FGF14: variants seen among roughly 807,000 people sequenced by gnomAD.
FGF14 encodes the protein fibroblast growth factor 14.
FGF14 carries 5 observed loss-of-function variants against 25.5 expected under a neutral mutation model. That is an observed-to-expected ratio of 0.20 (90% CI 0.10 to 0.41). The LOEUF (loss-of-function observed/expected upper bound fraction) is 0.41, where lower values mean the gene tolerates loss of function less well. FGF14 is among the 10% of genes least tolerant of loss of function. FGF14 has a pLI of 1.00. For missense variants in FGF14, 222 were observed against 320.1 expected (o/e 0.69, Z 2.34); for synonymous variants, 138 against 118.3 (o/e 1.17, Z -1.08).
At chr13:102,349,657 T>G (rs1037991063) in intron 1 of FGF14, among the ~76,000 whole-genome samples, 1 of 152,170 alleles carries the variant, frequency 6.6e-6, no homozygotes, top group African/African-American at 2.4e-5. Context: ...CAATAGAAAC[T>G]TAAAAGTCAG....
intron 1 of FGF14, among the ~76,000 whole-genome samples, chr13:102,222,156 G>A (rs1212358109): frequency 2.6e-5 from 4 of 152,108 alleles, no homozygotes; most frequent in African/African-American, 9.7e-5. Context: ...CTATAGCATC[G>A]TAAGTATGTA....
intron 1 of FGF14, among the ~76,000 whole-genome samples, chr13:102,310,594 G>C (rs1268845009): frequency 2.0e-5 from 3 of 150,548 alleles, no homozygotes; most frequent in African/African-American, 4.9e-5. Flanking sequence ...TCTGGGCCAG[G>C]AGATAGAGGG....
At chr13:102,162,879 T>C (rs2047838306) in intron 1 of FGF14, among the ~76,000 whole-genome samples, 1 of 152,152 alleles carries the variant, frequency 6.6e-6, no homozygotes, top group African/African-American at 2.4e-5. Context: ...TAGCTCTTTC[T>C]CTGGTCACTG....
In FGF14 at chr13:101,968,209, C is replaced by A. The variant is rs113051097; in HGVS notation, c.209-92913G>T. Among the ~76,000 whole-genome samples the A allele has an allele frequency of 3.4e-3, 516 of 152,184 alleles. 4 individuals are homozygous for A. The highest frequency in any genetic ancestry group is 0.014 in the Middle Eastern group (4 of 294). ...AAATGAAGATAAATTCATATAAATGCATAAAGGTGAAATTGTTATGTAATG... is the reference window on the plus strand; with the variant it reads ...AAATGAAGATAAATTCATATAAATGAATAAAGGTGAAATTGTTATGTAATG... On this transcript the variant is annotated intron_variant, in intron 1 of 4. Transcript: ENST00000376131.
At chr13:101,747,228 G>T (rs1193034559) in intron 3 of FGF14, among the ~76,000 whole-genome samples, 1 of 151,940 alleles carries the variant, frequency 6.6e-6, no homozygotes, top group Non-Finnish European at 1.5e-5. Context: ...GTACATGATA[G>T]ATGCTGGGGA....
chr13:102,064,033 A>C (rs985105798), intron 1 of FGF14, among the ~76,000 whole-genome samples: 1 of 152,230 alleles, frequency 6.6e-6, no homozygotes, highest in Non-Finnish European at 1.5e-5. Context: ...AATGAATGAC[A>C]ATAAATAAAA....
chr13:101,736,099 T>C (rs2036169358), intron 3 of FGF14, among the ~76,000 whole-genome samples: 2 of 152,168 alleles, frequency 1.3e-5, no homozygotes, highest in Admixed American at 6.5e-5. Context: ...AGATGGTCAG[T>C]TTCGCCTCAT....
chr13:102,106,129 T>C (rs1358142285), intron 1 of FGF14, among the ~76,000 whole-genome samples: 1 of 152,198 alleles, frequency 6.6e-6, no homozygotes, highest in East Asian at 1.9e-4. Context: ...GATAAACATA[T>C]TTATTTTATA....
At chr13:101,859,921 C>A (rs951655671) in intron 3 of FGF14, among the ~76,000 whole-genome samples, 4 of 151,944 alleles carry the variant, frequency 2.6e-5, no homozygotes, top group African/African-American at 7.3e-5. Flanking sequence ...GGAAAGGAAG[C>A]GATTTATTAA....
At chr13:102,189,265 T>C (rs2049031396) in intron 1 of FGF14, among the ~76,000 whole-genome samples, 1 of 152,124 alleles carries the variant, frequency 6.6e-6, no homozygotes. Context: ...CAGGCTGAGA[T>C]ATAGGGTTTA....
At chr13:102,379,902 G>A (rs2058140356) in intron 1 of FGF14, among the ~76,000 whole-genome samples, 1 of 152,126 alleles carries the variant, frequency 6.6e-6, no homozygotes, top group African/African-American at 2.4e-5. Flanking sequence ...TCACTGGAAA[G>A]CCAGCTAGGT....
chr13:101,959,963 G>A (rs1407401160), intron 1 of FGF14, among the ~76,000 whole-genome samples: 1 of 152,178 alleles, frequency 6.6e-6, no homozygotes, highest in Non-Finnish European at 1.5e-5. Flanking sequence ...AGAGGTGTCT[G>A]TAAATTAATT....
chr13:101,723,501 AAAT>A (rs763538280), intron 4 of FGF14, among the ~76,000 whole-genome samples: 2 of 152,108 alleles, frequency 1.3e-5, no homozygotes, highest in Non-Finnish European at 2.9e-5. Flanking sequence ...AAGCTACACA[AAAT>A]AATAACAAAT....
At chr13:102,268,873 C>A (rs959396513) in intron 1 of FGF14, among the ~76,000 whole-genome samples, 1 of 152,108 alleles carries the variant, frequency 6.6e-6, no homozygotes, top group Admixed American at 6.6e-5. Context: ...CTCACCATGG[C>A]AACCAATTTT....
chr13:102,213,137 A>T (rs2050227231), intron 1 of FGF14, among the ~76,000 whole-genome samples: 1 of 152,170 alleles, frequency 6.6e-6, no homozygotes, highest in East Asian at 1.9e-4. Context: ...GCCAACATTT[A>T]CCCCGTCTGC....
intron 1 of FGF14, among the ~76,000 whole-genome samples, chr13:102,290,747 G>C (rs1459614455): frequency 6.6e-6 from 1 of 152,078 alleles, no homozygotes; most frequent in Non-Finnish European, 1.5e-5. Context: ...GCTAGGTCCA[G>C]GGCTACTGTC....
At position 101,713,616 on chromosome 13, in the gene FGF14, A is replaced by G. The variant is rs757010205; in HGVS notation, c.*9215T>C. On this transcript the variant is annotated 3_prime_UTR_variant, in exon 5 of 5. Transcript: ENST00000376143. ...TGTAAGGGTTTTTAGTCTGTCATGG[A>G]AAGCTGTTTAGACTGAGAGAACTTC... 5 of 152,178 alleles carry G rather than the reference A, an allele frequency of 3.3e-5. No homozygotes were observed. Among genetic ancestry groups the G allele is most frequent in the Non-Finnish European group, 7.3e-5 (5 of 68,028 alleles). The allele number at this position is 152,178 out of a possible 1,614,324, so 9.4% of individuals were successfully genotyped here.
At chr13:101,890,496 G>A (rs1307655145) in intron 1 of FGF14, among the ~76,000 whole-genome samples, 1 of 152,092 alleles carries the variant, frequency 6.6e-6, no homozygotes, top group Non-Finnish European at 1.5e-5. Flanking sequence ...GAAATCTATA[G>A]CTCCTAAGGT....
At chr13:102,277,323 C>G (rs1162049097) in intron 1 of FGF14, among the ~76,000 whole-genome samples, 2 of 152,210 alleles carry the variant, frequency 1.3e-5, no homozygotes, top group Non-Finnish European at 2.9e-5. Context: ...TTATTCAAAA[C>G]TTGGAAAACC....
Sources: gnomAD v4.1 joint callset for allele counts (sites outside exome capture counted in the v4.1 genomes callset) on GRCh38, gnomAD v4.1.1 for gene constraint, MANE v1.5 for transcripts, NCBI Gene and HGNC (gene_info 2026-07-23, HGNC 2026-07-21) for gene names.